Variants in FOLH1 observed in about 807,000 individuals in gnomAD.
FOLH1 encodes the protein folate hydrolase 1, also known as glutamate carboxypeptidase 2.
FOLH1 carries 54 observed loss-of-function variants against 93.9 expected under a neutral mutation model. The ratio of observed to expected loss-of-function variants is 0.57; its 90% CI spans 0.46 to 0.72. The LOEUF is 0.72. FOLH1 is among the 30% of genes least tolerant of loss of function. The pLI, the probability that FOLH1 is intolerant of heterozygous loss-of-function variation, is 0.00. For missense variants in FOLH1, 571 were observed against 892.5 expected (o/e 0.64, Z 4.59); for synonymous variants, 249 against 303.6 (o/e 0.82, Z 1.87).
intron 18 of FOLH1, 142 bp downstream of exon 18, chr11:49,148,497 A>G (rs937291916): frequency 1.6e-4 from 94 of 571,476 alleles, no homozygotes; most frequent in Non-Finnish European, 2.3e-4. Flanking sequence ...AAACAATACA[A>G]CTATCACTTA....
intron 12 of FOLH1, among the ~76,000 whole-genome samples, chr11:49,165,204 G>C (rs540222888): frequency 6.6e-6 from 1 of 152,070 alleles, no homozygotes; most frequent in Non-Finnish European, 1.5e-5. Context: ...CTTGGCTCTT[G>C]TTTCTCTATA....
intron 2 of FOLH1, among the ~76,000 whole-genome samples, chr11:49,203,492 T>C (rs180913217): frequency 6.6e-6 from 1 of 152,302 alleles, no homozygotes; most frequent in Admixed American, 6.5e-5. Flanking sequence ...CTCTGACCCA[T>C]GGGTATATTT....
chr11:49,162,913 C>T (rs1442116045), intron 13 of FOLH1: 1 of 151,812 alleles, frequency 6.6e-6, no homozygotes, highest in Non-Finnish European at 1.5e-5. Flanking sequence ...TCGGTGATGG[C>T]TGTGAAACAG....
chr11:49,165,732 G>A (rs7113251), intron 12 of FOLH1, among the ~76,000 whole-genome samples: 5,131 of 152,196 alleles, frequency 0.034, 123 homozygotes, highest in Non-Finnish European at 0.051. Flanking sequence ...CCAAAGCCTC[G>A]GATCCATGTT....
intron 6 of FOLH1, among the ~76,000 whole-genome samples, chr11:49,185,415 A>C (rs1373940077): frequency 6.6e-6 from 1 of 152,130 alleles, no homozygotes; most frequent in Non-Finnish European, 1.5e-5. Flanking sequence ...TATGCAAGTT[A>C]TGGTATATGT....
At chr11:49,179,478 A>G (rs533966910) in intron 7 of FOLH1, among the ~76,000 whole-genome samples, 1 of 152,356 alleles carries the variant, frequency 6.6e-6, no homozygotes, top group African/African-American at 2.4e-5. Context: ...AAATATATGG[A>G]AATTAAACAA....
chr11:49,181,461 T>C (rs1373738431), intron 7 of FOLH1, among the ~76,000 whole-genome samples: 1 of 152,036 alleles, frequency 6.6e-6, no homozygotes, highest in Non-Finnish European at 1.5e-5. Flanking sequence ...TATATAGTTT[T>C]GAAATTTGCT....
At chr11:49,169,560 G>T (rs1002961642) in intron 11 of FOLH1, among the ~76,000 whole-genome samples, 1 of 152,144 alleles carries the variant, frequency 6.6e-6, no homozygotes, top group East Asian at 1.9e-4. Flanking sequence ...CTTTCAAAAA[G>T]TTGTCTTAGC....
At chr11:49,187,195 A>C (rs541938303) in intron 4 of FOLH1, among the ~76,000 whole-genome samples, 3 of 152,320 alleles carry the variant, frequency 2.0e-5, no homozygotes, top group Admixed American at 6.5e-5. Context: ...ACAACCACCA[A>C]GTAAAGAAAA....
At chr11:49,159,367 T>C (rs1168424751) in intron 13 of FOLH1, among the ~76,000 whole-genome samples, 1 of 152,238 alleles carries the variant, frequency 6.6e-6, no homozygotes, top group African/African-American at 2.4e-5. Context: ...TGAAAGCTTT[T>C]TTCTGCATTT....
At chr11:49,201,570 C>A (rs1350921009) in intron 2 of FOLH1, among the ~76,000 whole-genome samples, 2 of 151,822 alleles carry the variant, frequency 1.3e-5, no homozygotes, top group Admixed American at 6.6e-5. Context: ...TTAAAATCCT[C>A]GTTTGGTAAA....
intron 4 of FOLH1, among the ~76,000 whole-genome samples, chr11:49,191,044 G>A (rs1278809710): frequency 6.6e-6 from 1 of 152,184 alleles, no homozygotes. Context: ...CGGGTGCGGA[G>A]GCAGGCAGAT....
intron 7 of FOLH1, among the ~76,000 whole-genome samples, chr11:49,179,884 G>T (rs1202771572): frequency 6.6e-6 from 1 of 152,178 alleles, no homozygotes; most frequent in South Asian, 2.1e-4. Flanking sequence ...ATACAAGATA[G>T]GACATTACTA....
At chr11:49,195,022 T>G (rs1862473230) in intron 3 of FOLH1, among the ~76,000 whole-genome samples, 1 of 152,032 alleles carries the variant, frequency 6.6e-6, no homozygotes, top group African/African-American at 2.4e-5. Context: ...GAGAGCACAT[T>G]AAGGATAATG....
chr11:49,185,432 C>A (rs988804150), intron 6 of FOLH1, among the ~76,000 whole-genome samples: 1 of 152,076 alleles, frequency 6.6e-6, no homozygotes, highest in Non-Finnish European at 1.5e-5. Flanking sequence ...ATGTGTAACA[C>A]CATAATGTTT....
At chr11:49,186,266 G>A (rs1861363863) in intron 5 of FOLH1, among the ~76,000 whole-genome samples, 1 of 152,132 alleles carries the variant, frequency 6.6e-6, no homozygotes, top group Admixed American at 6.5e-5. Flanking sequence ...TGTGTAAATT[G>A]TTTTCCCTCA....
At position 49,146,652 on chromosome 11, in the gene FOLH1, T is replaced by G; in HGVS notation, c.*104A>C. On this transcript the variant is annotated 3_prime_UTR_variant, in exon 19 of 19. Coordinates refer to ENST00000256999, the MANE Select transcript of FOLH1 (RefSeq NM_004476.3). ...CACATAACTATATATAATATTCAACTTTATTTCAAATATACCAATTTTAAA... is the reference window on the plus strand; with the variant it reads ...CACATAACTATATATAATATTCAACGTTATTTCAAATATACCAATTTTAAA... 9.6e-7 allele frequency: 1 copy of G among 1,047,058 alleles called. No homozygotes were observed. Among genetic ancestry groups the G allele is most frequent in the East Asian group, 2.7e-5 (1 of 36,998 alleles). The allele number at this position is 1,047,058 out of a possible 1,614,324, so 64.9% of individuals were successfully genotyped here. A position where few individuals can be genotyped will look rare whatever the true frequency, so the allele number is the denominator to read the frequency against.
At chr11:49,155,835 T>TATATATATATATA (rs1193032047) in intron 15 of FOLH1, among the ~76,000 whole-genome samples, 1 of 121,834 alleles carries the variant, frequency 8.2e-6, no homozygotes, top group Non-Finnish European at 1.7e-5. Flanking sequence ...TATATATATA[T>TATATATATATATA]AATCAACAAC....
chr11:49,150,414 T>C (rs1252552458), intron 17 of FOLH1, among the ~76,000 whole-genome samples: 1 of 152,124 alleles, frequency 6.6e-6, no homozygotes, highest in Non-Finnish European at 1.5e-5. Flanking sequence ...AATTAACTGA[T>C]CAACCCAGAT....
Sources: allele counts gnomAD v4.1 joint callset (sites outside exome capture counted in the v4.1 genomes callset), GRCh38; gene constraint gnomAD v4.1.1; transcripts MANE v1.5; gene names NCBI Gene and HGNC (gene_info 2026-07-23, HGNC 2026-07-21).